TRIP12: variants seen among roughly 807,000 people sequenced by gnomAD.
TRIP12 encodes E3 ubiquitin-protein ligase TRIP12.
Under a neutral mutation model 244.2 loss-of-function variants are expected in TRIP12, and 25 were observed. The observed-to-expected ratio is 0.10, with a 90% CI of 0.07 to 0.14. The LOEUF is 0.14. TRIP12 is among the 10% of genes least tolerant of loss of function. The pLI is 1.00. For synonymous variants in TRIP12, 905 were observed against 873.1 expected, an observed-to-expected ratio of 1.04 and a Z score of -0.64; for missense variants, 1,677 against 2,486.4, an observed-to-expected ratio of 0.67 and a Z score of 6.92.
At chr2:229,862,482 G>A (rs925177106) in intron 2 of TRIP12, among the ~76,000 whole-genome samples, 5 of 152,118 alleles carry the variant, frequency 3.3e-5, no homozygotes, top group Non-Finnish European at 7.4e-5. Flanking sequence ...CTTAAAGATC[G>A]TTGCAGACTG....
At chr2:229,820,773 T>C (rs1221416990) in intron 8 of TRIP12, among the ~76,000 whole-genome samples, 2 of 152,082 alleles carry the variant, frequency 1.3e-5, no homozygotes, top group Non-Finnish European at 2.9e-5. Flanking sequence ...GTATTTTTAG[T>C]AGAGATGGGT....
chr2:229,888,042 T>C (rs910020615), intron 1 of TRIP12, among the ~76,000 whole-genome samples: 1 of 152,222 alleles, frequency 6.6e-6, no homozygotes, highest in Non-Finnish European at 1.5e-5. Flanking sequence ...AAACTAGCTT[T>C]ACTACAACAG....
intron 1 of TRIP12, among the ~76,000 whole-genome samples, chr2:229,891,311 G>C (rs1216479107): frequency 6.6e-6 from 1 of 152,100 alleles, no homozygotes; most frequent in East Asian, 1.9e-4. Flanking sequence ...TGTGGCCCCA[G>C]CTACTCAGCA....
At chr2:229,777,119 T>C (rs1015034659) in intron 37 of TRIP12, among the ~76,000 whole-genome samples, 196 bp downstream of exon 37, 1 of 152,252 alleles carries the variant, frequency 6.6e-6, no homozygotes, top group Non-Finnish European at 1.5e-5. Context: ...CTAATCAAGA[T>C]GTTTATAGCC....
chr2:229,854,984 C>A (rs2059341961), intron 4 of TRIP12, among the ~76,000 whole-genome samples: 1 of 152,214 alleles, frequency 6.6e-6, no homozygotes, highest in Non-Finnish European at 1.5e-5. Flanking sequence ...CACACAAAGG[C>A]TAGGCACAGT....
intron 1 of TRIP12, among the ~76,000 whole-genome samples, chr2:229,899,519 C>A (rs1229489330): frequency 2.6e-5 from 4 of 152,164 alleles, no homozygotes; most frequent in African/African-American, 9.7e-5. Context: ...AGCGGTGATA[C>A]TGGAATCTTT....
At chr2:229,874,948 A>C (rs916772463) in intron 2 of TRIP12, among the ~76,000 whole-genome samples, 4 of 152,234 alleles carry the variant, frequency 2.6e-5, no homozygotes, top group African/African-American at 9.6e-5. Context: ...GGTATAATAA[A>C]AACGCTACTG....
intron 17 of TRIP12, 88 bp downstream of exon 17, chr2:229,807,620 C>CA (rs758045443): frequency 2.5e-5 from 37 of 1,492,686 alleles, no homozygotes; most frequent in Middle Eastern, 1.7e-4. Context: ...CAAGCACATT[C>CA]AAATCCACAT....
chr2:229,789,560 A>G (rs763327886), intron 31 of TRIP12, 51 bp downstream of exon 31: 4 of 1,576,602 alleles, frequency 2.5e-6, no homozygotes, highest in Non-Finnish European at 3.4e-6. Flanking sequence ...GCAATAGGAA[A>G]TTTATCAATC....
At chr2:229,826,027 G>A (rs1428680314) in intron 8 of TRIP12, among the ~76,000 whole-genome samples, 1 of 152,100 alleles carries the variant, frequency 6.6e-6, no homozygotes, top group African/African-American at 2.4e-5. Flanking sequence ...GGCACCTTTG[G>A]AGGACATAAA....
intron 9 of TRIP12, among the ~76,000 whole-genome samples, chr2:229,816,174 C>T (rs892763847): frequency 1.3e-5 from 2 of 152,080 alleles, no homozygotes; most frequent in African/African-American, 2.4e-5. Flanking sequence ...ATCAGATATT[C>T]TAACACCATA....
At chr2:229,789,930 T>C (rs183631976) in intron 30 of TRIP12, among the ~76,000 whole-genome samples, 168 bp from the exon 31 acceptor site, 1 of 152,336 alleles carries the variant, frequency 6.6e-6, no homozygotes, top group Admixed American at 6.5e-5. Context: ...TTTTATCTTA[T>C]ATATAAAGTG....
At chr2:229,807,661 C>A (rs771666634) in intron 17 of TRIP12, 47 bp downstream of exon 17, 5 of 1,612,106 alleles carry the variant, frequency 3.1e-6, no homozygotes, top group African/African-American at 2.7e-5. Flanking sequence ...CCTACACCCA[C>A]TCTCCAACAA....
chr2:229,862,795 C>A (rs1336049026), intron 2 of TRIP12, among the ~76,000 whole-genome samples: 2 of 152,196 alleles, frequency 1.3e-5, no homozygotes, highest in Non-Finnish European at 2.9e-5. Flanking sequence ...CCTAATTCTA[C>A]TCCTGTGTTA....
chr2:229,885,596 C>T (rs555300570), intron 1 of TRIP12, among the ~76,000 whole-genome samples: 1 of 152,284 alleles, frequency 6.6e-6, no homozygotes, highest in African/African-American at 2.4e-5. Flanking sequence ...ATATATTAAA[C>T]CACTACAATA....
At chr2:229,804,326 AT>A in intron 18 of TRIP12, 99 bp from the exon 19 acceptor site, 1 of 1,070,692 alleles carries the variant, frequency 9.3e-7, no homozygotes. Context: ...AATTCTTGAA[AT>A]GCTATGAAAA....
chr2:229,785,608 A>G (rs1288894459), intron 34 of TRIP12, 149 bp downstream of exon 34: 1 of 646,156 alleles, frequency 1.5e-6, no homozygotes, highest in Non-Finnish European at 2.4e-6. Flanking sequence ...ACCTTTGAAA[A>G]ATGGAGAACT....
At chr2:229,864,071 T>C (rs929404364) in intron 2 of TRIP12, among the ~76,000 whole-genome samples, 7 of 150,150 alleles carry the variant, frequency 4.7e-5, no homozygotes, top group Admixed American at 1.3e-4. Context: ...TGTGTGTGTG[T>C]GTGTGTGCAC....
At chr2:229,791,845 A>T (rs760097614) in intron 29 of TRIP12, 21 bp downstream of exon 29, 8 of 1,605,842 alleles carry the variant, frequency 5.0e-6, no homozygotes, top group Middle Eastern at 1.7e-4. Flanking sequence ...AAAAAACAAA[A>T]GAAAGAATTT....
Sources: gnomAD v4.1 joint callset for allele counts (sites outside exome capture counted in the v4.1 genomes callset) on GRCh38, gnomAD v4.1.1 for gene constraint, MANE v1.5 for transcripts, NCBI Gene and HGNC (gene_info 2026-07-23, HGNC 2026-07-21) for gene names.